FRYL: variants seen among roughly 807,000 people sequenced by gnomAD.
FRYL encodes the protein FRY like transcription coactivator.
A neutral mutation model predicts 351.2 loss-of-function variants in FRYL; 150 were observed. The ratio of observed to expected loss-of-function variants is 0.43; its 90% confidence interval spans 0.37 to 0.49. The LOEUF (loss-of-function observed/expected upper bound fraction) is 0.49. Ranked by LOEUF, FRYL falls within the 20% of genes least tolerant of loss-of-function variation. FRYL has a pLI of 0.00. For missense variants in FRYL, 3,036 were observed against 3,619.3 expected (o/e 0.84, Z 4.13); for synonymous variants, 1,153 against 1,257.1 (o/e 0.92, Z 1.75).
intron 1 of FRYL, among the ~76,000 whole-genome samples, chr4:48,713,565 A>C (rs1217808379): frequency 1.3e-5 from 2 of 152,214 alleles, no homozygotes; most frequent in Non-Finnish European, 2.9e-5. Context: ...CAACAAGAAG[A>C]GCTAACTATC....
chr4:48,733,283 T>C (rs1318915007), intron 1 of FRYL, among the ~76,000 whole-genome samples: 1 of 140,670 alleles, frequency 7.1e-6, no homozygotes, highest in African/African-American at 2.6e-5. Flanking sequence ...TCAAGAAAAA[T>C]AAAAAATAAT....
chr4:48,591,881 A>G (rs1578253403), intron 16 of FRYL, among the ~76,000 whole-genome samples: 1 of 151,724 alleles, frequency 6.6e-6, no homozygotes, highest in East Asian at 1.9e-4. Context: ...ACATGTTCAA[A>G]CCAAATGCAT....
intron 3 of FRYL, among the ~76,000 whole-genome samples, chr4:48,646,326 C>T (rs759588263): frequency 3.9e-5 from 6 of 152,144 alleles, no homozygotes; most frequent in Admixed American, 1.3e-4. Context: ...AAATTCTCTT[C>T]GACAGCCTTC....
At chr4:48,588,311 A>G (rs1742559880) in intron 18 of FRYL, among the ~76,000 whole-genome samples, 1 of 152,216 alleles carries the variant, frequency 6.6e-6, no homozygotes, top group African/African-American at 2.4e-5. Context: ...TTGCTTTGAC[A>G]CCCATATTAA....
At chr4:48,581,739 C>T in intron 20 of FRYL, 134 bp from the exon 21 acceptor site, 1 of 658,076 alleles carries the variant, frequency 1.5e-6, no homozygotes, top group Non-Finnish European at 2.5e-6. Flanking sequence ...ATGTAAATCG[C>T]ATGTATTTTA....
intron 3 of FRYL, among the ~76,000 whole-genome samples, chr4:48,664,962 C>T (rs1469684467): frequency 2.6e-5 from 4 of 152,088 alleles, no homozygotes; most frequent in African/African-American, 9.7e-5. Context: ...AAGTATAAAT[C>T]AAGTTTCTAA....
At chr4:48,773,495 TG>T (rs1017121025) in intron 1 of FRYL, among the ~76,000 whole-genome samples, 60 of 152,214 alleles carry the variant, frequency 3.9e-4, no homozygotes, top group African/African-American at 1.3e-3. Context: ...AAACCTAAAT[TG>T]TTTACTTGAA....
At chr4:48,673,041 A>AT (rs1762976247) in intron 3 of FRYL, among the ~76,000 whole-genome samples, 1 of 152,244 alleles carries the variant, frequency 6.6e-6, no homozygotes, top group Admixed American at 6.5e-5. Context: ...TGTCCCTGCT[A>AT]GTGAGCTGTG....
At chr4:48,740,806 G>A (rs1389478973) in intron 1 of FRYL, among the ~76,000 whole-genome samples, 1 of 152,156 alleles carries the variant, frequency 6.6e-6, no homozygotes, top group Admixed American at 6.5e-5. Flanking sequence ...AAACTAGTGG[G>A]AATGCAAAAT....
chr4:48,534,719 A>T (rs1577987012), intron 48 of FRYL, 34 bp from the exon 49 acceptor site: 1 of 1,324,516 alleles, frequency 7.5e-7, no homozygotes, highest in Admixed American at 2.1e-5. Context: ...ATTAAAGTAT[A>T]CTTTAATCAG....
Position 48,706,838 on chromosome 4 carries a change from C to G in FRYL, c.-204+3681G>C, listed in dbSNP as rs538202456. On this transcript the variant is annotated intron_variant, in intron 2 of 63. Transcript: ENST00000358350. ...GGTCAAGGAATTGGCCTCTGGCCAA[C>G]AGCCAGAAAGAACCTGAGACCTGTT... Among the ~76,000 whole-genome samples the G allele has an allele frequency of 3.3e-5, 5 of 152,276 alleles. No individual in the cohort carries two copies. In the East Asian group the frequency reaches 9.7e-4, roughly 29 times the overall value.
chr4:48,714,227 C>A (rs1212827809), intron 1 of FRYL, among the ~76,000 whole-genome samples: 1 of 151,592 alleles, frequency 6.6e-6, no homozygotes, highest in Non-Finnish European at 1.5e-5. Flanking sequence ...AAAGCAAGAG[C>A]AAACACATCC....
At chr4:48,760,867 G>A (rs1774330067) in intron 1 of FRYL, among the ~76,000 whole-genome samples, 1 of 151,988 alleles carries the variant, frequency 6.6e-6, no homozygotes, top group Admixed American at 6.6e-5. Flanking sequence ...AGTAAAGACA[G>A]GGGTTTCGCC....
At chr4:48,696,057 G>C (rs545643976) in intron 2 of FRYL, among the ~76,000 whole-genome samples, 1 of 152,192 alleles carries the variant, frequency 6.6e-6, no homozygotes, top group Non-Finnish European at 1.5e-5. Context: ...GGAGAAATAG[G>C]AATGCTTTTA....
At chr4:48,513,245 G>C (rs1022825027) in intron 56 of FRYL, among the ~76,000 whole-genome samples, 2 of 152,168 alleles carry the variant, frequency 1.3e-5, no homozygotes, top group African/African-American at 4.8e-5. Context: ...AGAAATGACA[G>C]AGCCAGAATT....
chr4:48,566,558 T>C (rs1002581544), intron 28 of FRYL, among the ~76,000 whole-genome samples: 54 of 152,332 alleles, frequency 3.5e-4, no homozygotes, highest in Admixed American at 1.1e-3. Context: ...ACAGTTGAAA[T>C]TGACATATGT....
At chr4:48,578,369 G>A (rs1433503345) in intron 23 of FRYL, among the ~76,000 whole-genome samples, 1 of 152,114 alleles carries the variant, frequency 6.6e-6, no homozygotes, top group Non-Finnish European at 1.5e-5. Context: ...ACTCTGTAAG[G>A]AGAAATCAGG....
intron 40 of FRYL, among the ~76,000 whole-genome samples, chr4:48,548,487 G>T (rs1281617472): frequency 6.6e-6 from 1 of 152,044 alleles, no homozygotes; most frequent in African/African-American, 2.4e-5. Flanking sequence ...TAGGAATGGG[G>T]GTAATAGACA....
chr4:48,514,553 A>T (rs1387142018), intron 56 of FRYL, among the ~76,000 whole-genome samples: 2 of 152,256 alleles, frequency 1.3e-5, no homozygotes, highest in Non-Finnish European at 2.9e-5. Flanking sequence ...TAAAAGGAGC[A>T]ATCTAGCATC....
Sources: gnomAD v4.1 joint callset for allele counts (sites outside exome capture counted in the v4.1 genomes callset) on GRCh38, gnomAD v4.1.1 for gene constraint, MANE v1.5 for transcripts, NCBI Gene and HGNC (gene_info 2026-07-23, HGNC 2026-07-21) for gene names.